RTN1: variants seen among roughly 807,000 people sequenced by gnomAD.
RTN1 encodes reticulon 1.
A neutral mutation model predicts 65.5 loss-of-function variants in RTN1; 25 were observed. The ratio of observed to expected loss-of-function variants is 0.38; its 90% confidence interval spans 0.28 to 0.53. RTN1 has a LOEUF of 0.53. Ranked by LOEUF, RTN1 falls within the 20% of genes least tolerant of loss-of-function variation. The probability of loss-of-function intolerance (pLI) is 0.79; values close to 1 mark genes in which losing one functional copy is unlikely to be tolerated. For missense variants in RTN1, 983 were observed against 1,025.4 expected (o/e 0.96, Z 0.57); for synonymous variants, 471 against 447.6 (o/e 1.05, Z -0.66).
At chr14:59,663,434 T>C (rs555348878) in intron 3 of RTN1, among the ~76,000 whole-genome samples, 1 of 152,220 alleles carries the variant, frequency 6.6e-6, no homozygotes, top group Admixed American at 6.5e-5. Context: ...AAAGACTTCA[T>C]GACTAAAACA....
At chr14:59,861,118 G>A (rs1887701473) in intron 1 of RTN1, among the ~76,000 whole-genome samples, 1 of 152,150 alleles carries the variant, frequency 6.6e-6, no homozygotes, top group Non-Finnish European at 1.5e-5. Flanking sequence ...GGGGCCAGGG[G>A]CAGAATGATA....
At chr14:59,831,968 G>A (rs953924835) in intron 1 of RTN1, among the ~76,000 whole-genome samples, 4 of 152,080 alleles carry the variant, frequency 2.6e-5, no homozygotes, top group African/African-American at 9.7e-5. Context: ...GAGACAATGG[G>A]CTTCGGAGAG....
At chr14:59,693,767 GC>G (rs1401381537) in intron 3 of RTN1, among the ~76,000 whole-genome samples, 1 of 152,182 alleles carries the variant, frequency 6.6e-6, no homozygotes, top group Non-Finnish European at 1.5e-5. Context: ...TATGAATGCT[GC>G]TGTCCAAAGT....
At chr14:59,728,044 T>C (rs1034449604) in intron 2 of RTN1, among the ~76,000 whole-genome samples, 2 of 152,142 alleles carry the variant, frequency 1.3e-5, no homozygotes, top group Non-Finnish European at 2.9e-5. Flanking sequence ...CTCAGGGAAC[T>C]TTTTCAATTT....
intron 3 of RTN1, among the ~76,000 whole-genome samples, chr14:59,664,933 G>A (rs1222233479): frequency 6.6e-6 from 1 of 152,116 alleles, no homozygotes; most frequent in Non-Finnish European, 1.5e-5. Context: ...CAAAGTGGCT[G>A]TACAACTTTA....
At chr14:59,667,256 C>T (rs1010784585) in intron 3 of RTN1, among the ~76,000 whole-genome samples, 2 of 152,136 alleles carry the variant, frequency 1.3e-5, no homozygotes, top group Non-Finnish European at 2.9e-5. Context: ...AAAAGCTTAT[C>T]CACCACGATC....
intron 3 of RTN1, among the ~76,000 whole-genome samples, chr14:59,659,536 G>A (rs1275996334): frequency 6.6e-6 from 1 of 152,288 alleles, no homozygotes; most frequent in East Asian, 1.9e-4. Context: ...ACTAGCAGTG[G>A]ATCTCTCAGC....
chr14:59,638,229 T>A (rs1414924340), intron 3 of RTN1, among the ~76,000 whole-genome samples: 1 of 152,200 alleles, frequency 6.6e-6, no homozygotes, highest in Non-Finnish European at 1.5e-5. Context: ...GATGTTGTGT[T>A]AGCAGGCAAG....
At chr14:59,815,322 AC>A (rs1011826105) in intron 1 of RTN1, among the ~76,000 whole-genome samples, 8 of 152,298 alleles carry the variant, frequency 5.3e-5, no homozygotes, top group African/African-American at 1.9e-4. Flanking sequence ...CTGAGGACCC[AC>A]AGCACACAGT....
intron 3 of RTN1, among the ~76,000 whole-genome samples, chr14:59,683,569 C>G (rs1272402242): frequency 6.6e-6 from 1 of 152,022 alleles, no homozygotes; most frequent in African/African-American, 2.4e-5. Flanking sequence ...GGCTTTTTAC[C>G]ACAACTTCTG....
intron 1 of RTN1, among the ~76,000 whole-genome samples, chr14:59,800,761 T>C (rs1886530529): frequency 6.6e-6 from 1 of 152,082 alleles, no homozygotes; most frequent in Non-Finnish European, 1.5e-5. Context: ...AAGCAATCAG[T>C]AGAATCAAAC....
At chr14:59,791,830 AG>A (rs2139589021) in intron 1 of RTN1, among the ~76,000 whole-genome samples, 1 of 152,198 alleles carries the variant, frequency 6.6e-6, no homozygotes, top group African/African-American at 2.4e-5. Context: ...CCACCTAGTC[AG>A]TTTTATAAAG....
intron 1 of RTN1, among the ~76,000 whole-genome samples, chr14:59,840,693 T>C (rs1362323506): frequency 6.6e-6 from 1 of 152,178 alleles, no homozygotes; most frequent in Non-Finnish European, 1.5e-5. Context: ...CATTTTCCCA[T>C]TGTAATTCGT....
intron 1 of RTN1, among the ~76,000 whole-genome samples, chr14:59,852,987 T>G (rs1028606): frequency 0.18 from 26,873 of 152,168 alleles, 2,897 homozygotes; most frequent in East Asian, 0.29. Flanking sequence ...AAATATTTGT[T>G]GAATAAAGGA....
intron 1 of RTN1, among the ~76,000 whole-genome samples, chr14:59,854,761 A>C (rs1887575181): frequency 6.6e-6 from 1 of 152,122 alleles, no homozygotes; most frequent in African/African-American, 2.4e-5. Flanking sequence ...TCAAATCTGG[A>C]TGCTTCACTT....
At chr14:59,867,978 T>C (rs1887827299) in intron 1 of RTN1, among the ~76,000 whole-genome samples, 1 of 152,158 alleles carries the variant, frequency 6.6e-6, no homozygotes, top group African/African-American at 2.4e-5. Context: ...AAAATAAATT[T>C]CTGTTTATAA....
intron 1 of RTN1, among the ~76,000 whole-genome samples, chr14:59,806,702 T>G (rs1007141212): frequency 6.6e-6 from 1 of 152,212 alleles, no homozygotes; most frequent in Non-Finnish European, 1.5e-5. Context: ...TACTTATAAG[T>G]GAGAACATGT....
intron 3 of RTN1, among the ~76,000 whole-genome samples, chr14:59,619,739 C>A (rs1463662998): frequency 1.3e-5 from 2 of 151,944 alleles, no homozygotes; most frequent in African/African-American, 4.8e-5. Context: ...AGAAAGGGCA[C>A]CACAATAGTG....
At chr14:59,665,793 T>C (rs1262677947) in intron 3 of RTN1, among the ~76,000 whole-genome samples, 2 of 152,150 alleles carry the variant, frequency 1.3e-5, no homozygotes, top group Admixed American at 6.6e-5. Flanking sequence ...GTTGCAATCC[T>C]AGTCTCTGAT....
Sources: allele counts gnomAD v4.1 joint callset (sites outside exome capture counted in the v4.1 genomes callset), GRCh38; gene constraint gnomAD v4.1.1; transcripts MANE v1.5; gene names NCBI Gene and HGNC (gene_info 2026-07-23, HGNC 2026-07-21).